MARK2: variants seen among roughly 807,000 people sequenced by gnomAD.
MARK2 encodes microtubule affinity regulating kinase 2.
In MARK2, 16 loss-of-function variants were observed where a neutral mutation model predicts 89.8. That is an observed-to-expected ratio of 0.18 (90% CI 0.12 to 0.27). The LOEUF (loss-of-function observed/expected upper bound fraction) is 0.27. Among genes scored for constraint, MARK2 ranks in the 10% least tolerant of loss-of-function variants. The pLI is 1.00. For synonymous variants in MARK2, 382 were observed against 399.5 expected (o/e 0.96, Z 0.52); for missense variants, 621 against 1,049.9 (o/e 0.59, Z 5.65).
chr11:63,903,148 G>A lies in MARK2; in HGVS notation c.1504G>A (p.Gly502Ser). Reference sequence around the variant, plus strand: ...CCTCGGCCAGGCCTCCATCCAGAATGGCAAAGACAGGTGAGAGACCCGGGC... The same window carrying A: ...CCTCGGCCAGGCCTCCATCCAGAATAGCAAAGACAGGTGAGAGACCCGGGC... ...ASLGQASIQNGKDSLTMPGSR... is the reference protein window; with the variant it reads ...ASLGQASIQNSKDSLTMPGSR... The change falls in exon 14 of 19, where the codon GGC (glycine) becomes AGC (serine). Residue 502 changes from glycine to serine, a missense_variant. By Grantham distance (56) the Gly-to-Ser change is moderately conservative. Transcript: ENST00000402010. This position sits in a 1 kb window ranked among gnomAD's most constrained non-coding sequence, Gnocchi z 5.1. 6.2e-7 allele frequency: 1 copy of A among 1,613,122 alleles called. No individual in the cohort carries two copies. The highest frequency in any genetic ancestry group is 8.5e-7 in the Non-Finnish European group (1 of 1,179,712).
intron 1 of MARK2, among the ~76,000 whole-genome samples, chr11:63,870,270 T>C (rs1238048149): frequency 1.3e-5 from 2 of 152,204 alleles, no homozygotes; most frequent in Non-Finnish European, 2.9e-5. Context: ...AGACAGGGTC[T>C]TACAATATTG....
chr11:63,854,765 C>G (rs1007520665), intron 1 of MARK2, among the ~76,000 whole-genome samples: 26 of 148,626 alleles, frequency 1.7e-4, no homozygotes, highest in Non-Finnish European at 3.4e-4. Flanking sequence ...GAGCCGAGAT[C>G]GCACCATTGC....
Position 63,909,422 on chromosome 11 carries a change from G to GC in MARK2, c.*186dup, listed in dbSNP as rs1941608535. ...GTGGGGGGTGGGAGATTGTTCTCCA[G>GC]CACCCCACATTCACCCCTGCCCAGA... On this transcript the variant is annotated 3_prime_UTR_variant, in exon 19 of 19. Transcript: ENST00000402010. 7 of 593,360 alleles carry GC rather than the reference G, an allele frequency of 1.2e-5. No homozygotes were observed. The highest frequency in any genetic ancestry group is 1.9e-5 in the Non-Finnish European group (7 of 359,824). The allele number at this position is 593,360 out of a possible 1,614,324, so 36.8% of individuals were successfully genotyped here.
At chr11:63,857,950 C>G (rs1241204802) in intron 1 of MARK2, among the ~76,000 whole-genome samples, 1 of 152,104 alleles carries the variant, frequency 6.6e-6, no homozygotes, top group Non-Finnish European at 1.5e-5. Context: ...TCAAGCAATC[C>G]TCTCATCTCA....
chr11:63,887,278 G>T (rs1489877396), intron 1 of MARK2, among the ~76,000 whole-genome samples: 2 of 152,232 alleles, frequency 1.3e-5, no homozygotes, highest in Non-Finnish European at 2.9e-5. Flanking sequence ...TGCTGAAATG[G>T]TGACAAAAGC....
At chr11:63,901,276 TG>T (rs777025836) in intron 11 of MARK2, among the ~76,000 whole-genome samples, 2 of 152,158 alleles carry the variant, frequency 1.3e-5, no homozygotes, top group Non-Finnish European at 2.9e-5. Context: ...GTAGGGTCGG[TG>T]TGGGACTGGG....
intron 1 of MARK2, among the ~76,000 whole-genome samples, chr11:63,856,616 GT>G: frequency 6.6e-6 from 1 of 151,496 alleles, no homozygotes; most frequent in East Asian, 1.9e-4. Flanking sequence ...TAGAGACAGT[GT>G]TTCGCCATGT....
intron 1 of MARK2, among the ~76,000 whole-genome samples, chr11:63,888,156 G>A (rs569462766): frequency 5.9e-5 from 9 of 152,234 alleles, no homozygotes; most frequent in African/African-American, 1.7e-4. Flanking sequence ...TGTTTCCAAG[G>A]TTAAGCACTG....
chr11:63,883,496 C>G (rs1939222852), intron 1 of MARK2, among the ~76,000 whole-genome samples: 1 of 151,998 alleles, frequency 6.6e-6, no homozygotes, highest in African/African-American at 2.4e-5. Flanking sequence ...GGTTCCTACC[C>G]AAAAATGAAG....
intron 1 of MARK2, among the ~76,000 whole-genome samples, chr11:63,846,843 A>G (rs1176795473): frequency 1.3e-5 from 2 of 151,956 alleles, no homozygotes; most frequent in Admixed American, 6.6e-5. Context: ...TTTTCAGTAG[A>G]GACGGGGTTT....
intron 1 of MARK2, among the ~76,000 whole-genome samples, chr11:63,864,158 G>T (rs1179230742): frequency 2.6e-5 from 4 of 151,928 alleles, no homozygotes; most frequent in Admixed American, 6.6e-5. Context: ...GTTTCACCAT[G>T]TTAGCCAGGA....
rs548442753 is a variant in MARK2, at chr11:63,889,090, G to A, written c.55-6069G>A. On this transcript the variant is annotated intron_variant, in intron 1 of 18. Coordinates refer to ENST00000402010, the MANE Select transcript of MARK2 (RefSeq NM_001039469.3). Reference sequence around the variant, plus strand: ...TGAGTCCAGCATAGTAATATTCATGGGAAGGGTGTCCAGATGTGGAAGAGG... The same window carrying A: ...TGAGTCCAGCATAGTAATATTCATGAGAAGGGTGTCCAGATGTGGAAGAGG... The A allele has an allele frequency of 4.6e-4, 288 of 630,914 alleles. No individual in the cohort carries two copies. In the Middle Eastern group the frequency reaches 4.7e-3, roughly 10 times the overall value. 39.1% of individuals were successfully genotyped at this position (630,914 alleles called of 1,614,324 possible).
intron 1 of MARK2, among the ~76,000 whole-genome samples, chr11:63,877,791 G>C (rs1334401040): frequency 1.3e-5 from 2 of 152,206 alleles, no homozygotes; most frequent in Non-Finnish European, 1.5e-5. Context: ...CAAACAGCAA[G>C]GGCCCCTTGG....
chr11:63,848,665 C>T (rs1482430492), intron 1 of MARK2, among the ~76,000 whole-genome samples: 1 of 151,944 alleles, frequency 6.6e-6, no homozygotes, highest in Non-Finnish European at 1.5e-5. Context: ...ATTCTCCTGC[C>T]TCAGCCTCCC....
intron 1 of MARK2, among the ~76,000 whole-genome samples, chr11:63,844,115 C>CA (rs1465166131): frequency 1.3e-5 from 2 of 152,172 alleles, no homozygotes; most frequent in African/African-American, 4.8e-5. Flanking sequence ...GTTGTTAGAG[C>CA]AAGGGCTTTG....
At chr11:63,881,394 C>G (rs1465322026) in intron 1 of MARK2, among the ~76,000 whole-genome samples, 1 of 152,126 alleles carries the variant, frequency 6.6e-6, no homozygotes, top group Non-Finnish European at 1.5e-5. Context: ...CAACGAATGC[C>G]TCGAAAGAGG....
At chr11:63,885,502 G>A (rs1939338429) in intron 1 of MARK2, among the ~76,000 whole-genome samples, 1 of 151,714 alleles carries the variant, frequency 6.6e-6, no homozygotes, top group Admixed American at 6.6e-5. Flanking sequence ...TCGTGCTGCT[G>A]CACTCTAGCC....
intron 1 of MARK2, among the ~76,000 whole-genome samples, chr11:63,882,313 G>A (rs1176286146): frequency 6.6e-6 from 1 of 151,974 alleles, no homozygotes; most frequent in Non-Finnish European, 1.5e-5. Flanking sequence ...GCCAGGCTTA[G>A]TGGCTCACAC....
At chr11:63,897,053 T>C (rs905288476) in intron 3 of MARK2, among the ~76,000 whole-genome samples, 3 of 152,154 alleles carry the variant, frequency 2.0e-5, no homozygotes, top group African/African-American at 7.2e-5. Flanking sequence ...TGGCCAAAAA[T>C]GTGATCTCAG....
Sources: allele counts gnomAD v4.1 joint callset (sites outside exome capture counted in the v4.1 genomes callset), GRCh38; gene constraint gnomAD v4.1.1; non-coding constraint Gnocchi (gnomAD v3.1); transcripts MANE v1.5; gene names NCBI Gene and HGNC (gene_info 2026-07-23, HGNC 2026-07-21).